The following MAPK4 variants were observed in gnomAD, a reference collection of about 807,000 sequenced individuals.
MAPK4 encodes the protein Erk3-related.
A neutral mutation model predicts 47.7 loss-of-function variants in MAPK4; 22 were observed. The observed-to-expected ratio is 0.46, with a 90% CI of 0.33 to 0.66. The LOEUF is 0.66. MAPK4 is among the 30% of genes least tolerant of loss of function. MAPK4 has a pLI of 0.02. For synonymous variants in MAPK4, 390 were observed against 365.7 expected, an observed-to-expected ratio of 1.07 and a Z score of -0.76; for missense variants, 736 against 831.7, an observed-to-expected ratio of 0.88 and a Z score of 1.42.
intron 1 of MAPK4, among the ~76,000 whole-genome samples, chr18:50,659,316 C>T (rs539535145): frequency 2.0e-5 from 3 of 152,080 alleles, no homozygotes; most frequent in Admixed American, 1.3e-4. Context: ...AGCGGCTCCT[C>T]GGGAGAAGGG....
At chr18:50,712,682 GC>G (rs1910437346) in intron 2 of MAPK4, among the ~76,000 whole-genome samples, 1 of 151,508 alleles carries the variant, frequency 6.6e-6, no homozygotes, top group African/African-American at 2.4e-5. Context: ...TCAGAAGAAA[GC>G]CCCCTGTCCC....
At chr18:50,708,927 G>C (rs1327106835) in intron 2 of MAPK4, among the ~76,000 whole-genome samples, 2 of 152,176 alleles carry the variant, frequency 1.3e-5, no homozygotes, top group Non-Finnish European at 2.9e-5. Flanking sequence ...AGGATGAAAT[G>C]AGTTAATCCA....
chr18:50,574,136 G>T (rs1181619691), intron 1 of MAPK4, among the ~76,000 whole-genome samples: 1 of 152,076 alleles, frequency 6.6e-6, no homozygotes, highest in African/African-American at 2.4e-5. Flanking sequence ...TTGTGCCATT[G>T]CATCTATTTC....
intron 1 of MAPK4, among the ~76,000 whole-genome samples, chr18:50,593,796 G>A (rs1292293919): frequency 6.6e-6 from 1 of 152,144 alleles, no homozygotes; most frequent in Non-Finnish European, 1.5e-5. Context: ...AATGTTAGAG[G>A]ACTCACACTA....
chr18:50,682,540 C>A (rs1200480110), intron 2 of MAPK4, among the ~76,000 whole-genome samples: 1 of 152,044 alleles, frequency 6.6e-6, no homozygotes, highest in Admixed American at 6.5e-5. Context: ...AAATTCTAAA[C>A]AAAATTTTAG....
chr18:50,621,146 G>A (rs1359616865), intron 1 of MAPK4, among the ~76,000 whole-genome samples: 1 of 152,158 alleles, frequency 6.6e-6, no homozygotes, highest in Non-Finnish European at 1.5e-5. Flanking sequence ...TTAGGAAACT[G>A]AGGCTTAGAA....
intron 2 of MAPK4, among the ~76,000 whole-genome samples, chr18:50,671,840 T>C (rs1443074130): frequency 1.3e-5 from 2 of 149,554 alleles, no homozygotes; most frequent in East Asian, 2.0e-4. Context: ...CAGTGAGCTA[T>C]GATTATACCA....
intron 1 of MAPK4, among the ~76,000 whole-genome samples, chr18:50,631,330 A>T (rs2042827892): frequency 6.6e-6 from 1 of 152,254 alleles, no homozygotes; most frequent in Admixed American, 6.5e-5. Flanking sequence ...TGTGTGTGTT[A>T]GATAAGCTTT....
At position 50,582,668 on chromosome 18, in the gene MAPK4, C is replaced by T. The variant is rs572557630; in HGVS notation, c.-871+22425C>T. Reference sequence around the variant, plus strand: ...GGGCCTCACTCCAGCCCACTGGGCTCACTCCACCTGCTTGGCCTGGCAGAC... The same window carrying T: ...GGGCCTCACTCCAGCCCACTGGGCTTACTCCACCTGCTTGGCCTGGCAGAC... On this transcript the variant is annotated intron_variant, in intron 1 of 5. Transcript: ENST00000400384. Among the ~76,000 whole-genome samples the T allele has an allele frequency of 8.5e-5, 13 of 152,372 alleles. No homozygotes were observed. The East Asian group carries it at 2.3e-3, about 27-fold the overall frequency.
At chr18:50,609,854 AC>A (rs2042616896) in intron 1 of MAPK4, among the ~76,000 whole-genome samples, 1 of 152,144 alleles carries the variant, frequency 6.6e-6, no homozygotes, top group South Asian at 2.1e-4. Context: ...GATATATCAG[AC>A]AGAAAAATTA....
At chr18:50,631,503 AT>A (rs2042829577) in intron 1 of MAPK4, among the ~76,000 whole-genome samples, 2 of 152,218 alleles carry the variant, frequency 1.3e-5, no homozygotes, top group African/African-American at 4.8e-5. Context: ...TGTAACTACC[AT>A]GAATAAAGAG....
At chr18:50,605,448 G>A (rs576943840) in intron 1 of MAPK4, among the ~76,000 whole-genome samples, 45 of 152,308 alleles carry the variant, frequency 3.0e-4, no homozygotes, top group African/African-American at 1.0e-3. Context: ...TCCTAGAGGT[G>A]GGTCCTCTGC....
intron 3 of MAPK4, 61 bp from the exon 4 acceptor site, chr18:50,721,877 G>A: frequency 1.3e-6 from 2 of 1,572,942 alleles, no homozygotes; most frequent in Non-Finnish European, 1.7e-6. Flanking sequence ...ACTGCTTTTG[G>A]GCTACTGCAC....
chr18:50,634,913 C>T (rs1006215274), intron 1 of MAPK4, among the ~76,000 whole-genome samples: 2 of 152,206 alleles, frequency 1.3e-5, no homozygotes, highest in South Asian at 4.1e-4. Flanking sequence ...TCAATCCTGA[C>T]TGCACCTTAG....
chr18:50,682,223 C>T (rs547724279), intron 2 of MAPK4, among the ~76,000 whole-genome samples: 8 of 152,042 alleles, frequency 5.3e-5, no homozygotes, highest in African/African-American at 1.2e-4. Context: ...AATTTTACGA[C>T]GTGTGAATTA....
chr18:50,672,628 TC>T (rs1417466343), intron 2 of MAPK4, among the ~76,000 whole-genome samples: 1 of 151,978 alleles, frequency 6.6e-6, no homozygotes, highest in Non-Finnish European at 1.5e-5. Context: ...AGGCCACCCT[TC>T]CGGGAAGCAA....
intron 1 of MAPK4, among the ~76,000 whole-genome samples, chr18:50,594,947 A>G (rs2042469313): frequency 6.6e-6 from 1 of 152,232 alleles, no homozygotes; most frequent in African/African-American, 2.4e-5. Flanking sequence ...ACAATTGGCC[A>G]GTCAAGGATT....
chr18:50,604,932 T>C (rs992231227), intron 1 of MAPK4, among the ~76,000 whole-genome samples: 5 of 152,220 alleles, frequency 3.3e-5, no homozygotes, highest in African/African-American at 1.2e-4. Context: ...CTGTAACAAA[T>C]GATAGTGCAA....
At chr18:50,611,652 G>A (rs1173320200) in intron 1 of MAPK4, among the ~76,000 whole-genome samples, 1 of 152,234 alleles carries the variant, frequency 6.6e-6, no homozygotes, top group Non-Finnish European at 1.5e-5. Flanking sequence ...CCTCAGGGAA[G>A]GCTTCAGGGA....
Sources: gnomAD v4.1 joint callset for allele counts (sites outside exome capture counted in the v4.1 genomes callset) on GRCh38, gnomAD v4.1.1 for gene constraint, MANE v1.5 for transcripts, NCBI Gene and HGNC (gene_info 2026-07-23, HGNC 2026-07-21) for gene names.